The following MYO16 variants were observed in gnomAD, a reference collection of about 807,000 sequenced individuals.
MYO16 encodes the protein unconventional myosin-XVI.
Under a neutral mutation model 205.3 loss-of-function variants are expected in MYO16, and 94 were observed. The ratio of observed to expected loss-of-function variants is 0.46; its 90% CI spans 0.39 to 0.54. MYO16 has a LOEUF of 0.54. MYO16 is among the 20% of genes least tolerant of loss of function. MYO16 has a pLI of 0.00. For missense variants in MYO16, 2,315 were observed against 2,387.5 expected, an observed-to-expected ratio of 0.97 and a Z score of 0.63; for synonymous variants, 988 against 954.0, an observed-to-expected ratio of 1.04 and a Z score of -0.66.
chr13:108,504,459 G>A, the MYO16 span, among the ~76,000 whole-genome samples: 4 of 150,806 alleles, frequency 2.7e-5, no homozygotes, highest in Non-Finnish European at 4.4e-5. Context: ...TTGCAAAGCC[G>A]AAACTCTACA....
At chr13:108,917,558 A>G (rs954075168) in intron 16 of MYO16, among the ~76,000 whole-genome samples, 11 of 152,200 alleles carry the variant, frequency 7.2e-5, no homozygotes, top group African/African-American at 2.7e-4. Flanking sequence ...AGGACCATCA[A>G]TAGTGTAGAT....
chr13:108,602,565 C>A (rs957032874), intron 1 of MYO16, among the ~76,000 whole-genome samples: 2 of 144,160 alleles, frequency 1.4e-5, no homozygotes, highest in African/African-American at 4.9e-5. Flanking sequence ...TAAAATGTAA[C>A]CAAATATGGG....
intron 31 of MYO16, among the ~76,000 whole-genome samples, chr13:109,136,331 G>A (rs1357593146): frequency 6.6e-6 from 1 of 152,058 alleles, no homozygotes; most frequent in East Asian, 1.9e-4. Flanking sequence ...CTGACCTTGT[G>A]ATCTGCCCGC....
At chr13:109,059,129 T>A (rs1887506468) in intron 27 of MYO16, among the ~76,000 whole-genome samples, 2 of 152,192 alleles carry the variant, frequency 1.3e-5, no homozygotes, top group Non-Finnish European at 1.5e-5. Context: ...CCCCTCAAAG[T>A]CATTCATGAA....
Position 108,725,825 on chromosome 13 carries a change from G to A in MYO16, c.364-1615G>A, listed in dbSNP as rs182569932. Among the ~76,000 whole-genome samples, 108 of 152,284 alleles carry A rather than the reference G, an allele frequency of 7.1e-4. 1 individual carries two copies. The highest frequency in any genetic ancestry group is 2.4e-3 in the African/African-American group (100 of 41,564). On this transcript the variant is annotated intron_variant, in intron 3 of 34. Transcript: ENST00000457511. ...ACCCTGGTCTCTCAAGACATTTCAA[G>A]AGCCAGCCCTGGTCAAGCCAGGTTC... is the stretch of plus-strand genomic sequence containing the variant.
chr13:108,541,872 A>G, the MYO16 span, among the ~76,000 whole-genome samples: 1 of 152,210 alleles, frequency 6.6e-6, no homozygotes, highest in Non-Finnish European at 1.5e-5. Flanking sequence ...AGGAATGTAA[A>G]TTAGTTCAGC....
chr13:108,848,493 A>C (rs1237323290), intron 10 of MYO16, among the ~76,000 whole-genome samples: 1 of 152,176 alleles, frequency 6.6e-6, no homozygotes, highest in Non-Finnish European at 1.5e-5. Flanking sequence ...TTTCAAGCTG[A>C]CCAAACTTAA....
intron 29 of MYO16, among the ~76,000 whole-genome samples, chr13:109,124,268 A>G (rs1566518314): frequency 6.6e-6 from 1 of 152,184 alleles, no homozygotes; most frequent in Non-Finnish European, 1.5e-5. Context: ...ATGTCTGTGT[A>G]ACTGCAGGCT....
intron 1 of MYO16, among the ~76,000 whole-genome samples, chr13:108,638,682 C>T (rs563708279): frequency 3.3e-4 from 51 of 152,266 alleles, no homozygotes; most frequent in East Asian, 1.5e-3. Flanking sequence ...CATTCACTCA[C>T]GCCAGACATT....
At chr13:108,943,162 C>A (rs138168347) in intron 16 of MYO16, among the ~76,000 whole-genome samples, 184 of 152,286 alleles carry the variant, frequency 1.2e-3, no homozygotes, top group African/African-American at 3.1e-3. Flanking sequence ...TCTGGAAGTA[C>A]CCATTGCCCA....
At chr13:108,838,918 A>C (rs1203351642) in intron 9 of MYO16, among the ~76,000 whole-genome samples, 1 of 152,096 alleles carries the variant, frequency 6.6e-6, no homozygotes, top group East Asian at 1.9e-4. Context: ...GTGCTTGTGG[A>C]AGGAAGAAGG....
At chr13:108,992,805 G>A (rs1295884736) in intron 21 of MYO16, among the ~76,000 whole-genome samples, 3 of 152,146 alleles carry the variant, frequency 2.0e-5, no homozygotes, top group Non-Finnish European at 2.9e-5. Flanking sequence ...ACATCAGAAT[G>A]AAAATGCTCT....
intron 21 of MYO16, among the ~76,000 whole-genome samples, chr13:109,005,189 G>C (rs1427451635): frequency 1.3e-5 from 2 of 152,028 alleles, no homozygotes; most frequent in Non-Finnish European, 2.9e-5. Flanking sequence ...AAGTTCTTTA[G>C]GTTTAAAATG....
the MYO16 span, among the ~76,000 whole-genome samples, chr13:108,497,534 C>A: frequency 2.0e-5 from 3 of 152,072 alleles, no homozygotes; most frequent in Non-Finnish European, 4.4e-5. Flanking sequence ...TAGACATCAC[C>A]CAGAGTGTGA....
At chr13:108,908,712 C>T (rs909063638) in intron 15 of MYO16, among the ~76,000 whole-genome samples, 2 of 151,902 alleles carry the variant, frequency 1.3e-5, no homozygotes, top group Non-Finnish European at 2.9e-5. Context: ...GATGGCTCAC[C>T]CCTGTAATCC....
chr13:108,841,273 G>A (rs1297297902), intron 9 of MYO16, among the ~76,000 whole-genome samples: 1 of 152,090 alleles, frequency 6.6e-6, no homozygotes, highest in African/African-American at 2.4e-5. Flanking sequence ...CACAGATATG[G>A]TCAATTGATT....
At chr13:108,613,284 T>C (rs1566505698) in intron 1 of MYO16, among the ~76,000 whole-genome samples, 2 of 152,162 alleles carry the variant, frequency 1.3e-5, no homozygotes, top group Admixed American at 6.6e-5. Flanking sequence ...TGTAAAAACA[T>C]TGGAAATATG....
intron 20 of MYO16, among the ~76,000 whole-genome samples, chr13:108,976,874 G>A (rs977716405): frequency 6.6e-6 from 1 of 151,992 alleles, no homozygotes; most frequent in African/African-American, 2.4e-5. Context: ...CTACTACCTT[G>A]AATTAATACT....
chr13:108,987,996 A>G (rs1884696632), intron 20 of MYO16, among the ~76,000 whole-genome samples: 1 of 152,212 alleles, frequency 6.6e-6, no homozygotes, highest in African/African-American at 2.4e-5. Flanking sequence ...CATTTTACTA[A>G]TATGTCAATG....
Sources: gnomAD v4.1 joint callset for allele counts (sites outside exome capture counted in the v4.1 genomes callset) on GRCh38, gnomAD v4.1.1 for gene constraint, MANE v1.5 for transcripts, NCBI Gene and HGNC (gene_info 2026-07-23, HGNC 2026-07-21) for gene names.